THSD7A: variants seen among roughly 807,000 people sequenced by gnomAD.
The protein encoded by THSD7A is thrombospondin type-1 domain-containing protein 7A.
A neutral mutation model predicts 231.3 loss-of-function variants in THSD7A; 96 were observed. The observed-to-expected ratio is 0.41, with a 90% CI of 0.35 to 0.49. The LOEUF is 0.49. THSD7A is among the 20% of genes least tolerant of loss of function. The pLI, the probability that THSD7A is intolerant of heterozygous loss-of-function variation, is 0.05. For missense variants in THSD7A, 2,290 were observed against 2,070.2 expected (o/e 1.11, Z -2.06); for synonymous variants, 940 against 743.3 (o/e 1.26, Z -4.30).
intron 1 of THSD7A, among the ~76,000 whole-genome samples, chr7:11,682,537 C>A (rs1243180922): frequency 6.6e-6 from 1 of 151,974 alleles, no homozygotes; most frequent in Non-Finnish European, 1.5e-5. Context: ...AAAGACATTA[C>A]ATAATGATAA....
rs1444828239 is a variant in THSD7A, at chr7:11,406,696, A to G, written c.4062+214T>C. 6.6e-6 allele frequency among the ~76,000 whole-genome samples: 1 copy of G among 152,240 alleles called. No individual in the cohort carries two copies. Among genetic ancestry groups the G allele is most frequent in the Non-Finnish European group, 1.5e-5 (1 of 68,042 alleles). The stretch of plus-strand genomic sequence containing the variant: ...AAATAAATTTTCATTAAAATGAATC[A>G]GTCTCCAAATGATTTTAAAAATATA... On this transcript the variant is annotated intron_variant, in intron 21 of 27. Coordinates refer to ENST00000423059, the MANE Select transcript of THSD7A (RefSeq NM_015204.3). This position sits in a 1 kb window ranked among gnomAD's most constrained non-coding sequence, Gnocchi z 4.7.
At chr7:11,728,589 A>C (rs1178481859) in intron 1 of THSD7A, among the ~76,000 whole-genome samples, 1 of 151,940 alleles carries the variant, frequency 6.6e-6, no homozygotes, top group African/African-American at 2.4e-5. Context: ...AGCCATAGCT[A>C]ATGAGAAATT....
intron 2 of THSD7A, among the ~76,000 whole-genome samples, chr7:11,623,852 T>C (rs1370233325): frequency 2.0e-5 from 3 of 152,152 alleles, no homozygotes; most frequent in Non-Finnish European, 4.4e-5. Context: ...CCACCTGAAA[T>C]CATCTCAGAG....
chr7:11,579,067 G>A (rs978483991), intron 4 of THSD7A, among the ~76,000 whole-genome samples: 5 of 152,150 alleles, frequency 3.3e-5, no homozygotes, highest in African/African-American at 9.7e-5. Context: ...CTTAGAATAT[G>A]AGCTGTATCC....
chr7:11,712,768 C>T (rs549562706), intron 1 of THSD7A, among the ~76,000 whole-genome samples: 42 of 150,968 alleles, frequency 2.8e-4, no homozygotes, highest in Middle Eastern at 6.8e-3. Flanking sequence ...ACATATGTGG[C>T]CTATTATATG....
chr7:11,580,796 A>G (rs1300090960), intron 4 of THSD7A, among the ~76,000 whole-genome samples: 1 of 152,120 alleles, frequency 6.6e-6, no homozygotes, highest in Non-Finnish European at 1.5e-5. Context: ...TACTAGGCTT[A>G]ATATCTGGGT....
intron 1 of THSD7A, among the ~76,000 whole-genome samples, chr7:11,687,776 C>T (rs1394992983): frequency 6.6e-6 from 1 of 151,882 alleles, no homozygotes; most frequent in African/African-American, 2.4e-5. Context: ...TGATTACACA[C>T]AGTGGCTAAT....
intron 2 of THSD7A, among the ~76,000 whole-genome samples, chr7:11,593,762 T>G (rs1487880648): frequency 6.6e-6 from 1 of 152,228 alleles, no homozygotes; most frequent in East Asian, 1.9e-4. Context: ...TAAAATTAGC[T>G]AAAGCTAAGT....
chr7:11,516,785 G>A (rs959753047), intron 6 of THSD7A, among the ~76,000 whole-genome samples: 1 of 152,050 alleles, frequency 6.6e-6, no homozygotes, highest in Non-Finnish European at 1.5e-5. Flanking sequence ...TTTCATAGGA[G>A]GCACCAGGTG....
In THSD7A at chr7:11,474,408, G is replaced by C; in HGVS notation, c.2178C>G (p.Ala726=). ...TTGTCTGCATGCCGACAGAGCAGGAGGCCTCCCCATTCCAAGTCGTAGTTG... is the reference window on the plus strand; with the variant it reads ...TTGTCTGCATGCCGACAGAGCAGGACGCCTCCCCATTCCAAGTCGTAGTTG... The part of the protein sequence containing the change: ...FNTTTTWNGE[A]SCSVGMQTRK... The change falls in exon 8 of 28, where the codon GCC becomes GCG. Residue 726 remains alanine (A), a synonymous_variant. Coordinates refer to ENST00000423059, the MANE Select transcript of THSD7A (RefSeq NM_015204.3). This position sits in a 1 kb window ranked among gnomAD's most constrained non-coding sequence, Gnocchi z 4.1. The C allele has an allele frequency of 6.2e-7, 1 of 1,613,598 alleles. No homozygotes were observed. Among genetic ancestry groups the C allele is most frequent in the Admixed American group, 1.7e-5 (1 of 60,004 alleles).
chr7:11,464,871 A>G (rs1411257715), intron 9 of THSD7A, among the ~76,000 whole-genome samples: 2 of 152,180 alleles, frequency 1.3e-5, no homozygotes, highest in Non-Finnish European at 2.9e-5. Context: ...CAGTTAAGAA[A>G]TTGCTTGTGT....
At chr7:11,594,485 A>T (rs1436789715) in intron 2 of THSD7A, among the ~76,000 whole-genome samples, 1 of 152,170 alleles carries the variant, frequency 6.6e-6, no homozygotes, top group Non-Finnish European at 1.5e-5. Flanking sequence ...GAGAACACTC[A>T]TAGTCCTTGG....
At chr7:11,523,615 G>A (rs1788356122) in intron 6 of THSD7A, among the ~76,000 whole-genome samples, 1 of 151,896 alleles carries the variant, frequency 6.6e-6, no homozygotes, top group Non-Finnish European at 1.5e-5. Context: ...TAATAGAGAA[G>A]GAAGAATGGC....
At chr7:11,483,901 A>G (rs1786536384) in intron 6 of THSD7A, among the ~76,000 whole-genome samples, 1 of 152,186 alleles carries the variant, frequency 6.6e-6, no homozygotes, top group Non-Finnish European at 1.5e-5. Flanking sequence ...CAAGGGTGCC[A>G]TTAGATTAGC....
At chr7:11,668,004 A>G (rs968989402) in intron 1 of THSD7A, among the ~76,000 whole-genome samples, 7 of 152,212 alleles carry the variant, frequency 4.6e-5, no homozygotes, top group African/African-American at 7.2e-5. Context: ...TGTACACAGG[A>G]ACCAGAAAGC....
At chr7:11,551,634 A>T (rs1363363654) in intron 4 of THSD7A, among the ~76,000 whole-genome samples, 1 of 152,156 alleles carries the variant, frequency 6.6e-6, no homozygotes, top group Non-Finnish European at 1.5e-5. Context: ...AATCAAATCA[A>T]AACCATGAGA....
At position 11,482,635 on chromosome 7, in the gene THSD7A, C is replaced by G. The variant is rs78501410; in HGVS notation, c.1823-653G>C. Among the ~76,000 whole-genome samples the G allele has an allele frequency of 2.0e-4, 30 of 152,248 alleles. No homozygotes were observed. In the East Asian group the frequency reaches 5.8e-3, roughly 29 times the overall value. On this transcript the variant is annotated intron_variant, in intron 6 of 27. Transcript: ENST00000423059. ...AAATGGCAGAAGTAATGTGATGTCA[C>G]TCCAGTGCTTAATATTTTTCATTAG...
At chr7:11,511,589 T>C (rs1208112188) in intron 6 of THSD7A, among the ~76,000 whole-genome samples, 2 of 152,050 alleles carry the variant, frequency 1.3e-5, no homozygotes, top group African/African-American at 4.8e-5. Flanking sequence ...AACAGAGATA[T>C]AGACCAATGG....
chr7:11,423,248 A>G (rs1230862891), intron 16 of THSD7A, among the ~76,000 whole-genome samples: 1 of 152,152 alleles, frequency 6.6e-6, no homozygotes, highest in East Asian at 1.9e-4. Context: ...TATACGGTAA[A>G]ACAAATATTA....
Sources: gnomAD v4.1 joint callset for allele counts (sites outside exome capture counted in the v4.1 genomes callset) on GRCh38, gnomAD v4.1.1 for gene constraint, Gnocchi (gnomAD v3.1) non-coding constraint, MANE v1.5 for transcripts, NCBI Gene and HGNC (gene_info 2026-07-23, HGNC 2026-07-21) for gene names.